The following LUZP2 variants were observed in gnomAD, a reference collection of about 807,000 sequenced individuals.
The protein encoded by LUZP2 is leucine zipper protein 2.
In LUZP2, 52 loss-of-function variants were observed where a neutral mutation model predicts 51.6. The ratio of observed to expected loss-of-function variants is 1.01; its 90% CI spans 0.81 to 1.27. The LOEUF (loss-of-function observed/expected upper bound fraction) is 1.27. Among genes scored for constraint, LUZP2 ranks in the 50% most tolerant of loss-of-function variants. The probability of loss-of-function intolerance (pLI) is 0.00; values close to 1 mark genes in which losing one functional copy is unlikely to be tolerated. For missense variants in LUZP2, 436 were observed against 395.4 expected (o/e 1.10, Z -0.87); for synonymous variants, 154 against 137.3 (o/e 1.12, Z -0.85).
chr11:24,580,442 C>T (rs1390894081), intron 1 of LUZP2, among the ~76,000 whole-genome samples: 1 of 152,024 alleles, frequency 6.6e-6, no homozygotes, highest in Admixed American at 6.6e-5. Context: ...GTGATAAATG[C>T]ACTGTATTTA....
chr11:24,998,093 G>T (rs916399685), intron 9 of LUZP2, among the ~76,000 whole-genome samples: 6 of 152,076 alleles, frequency 3.9e-5, no homozygotes, highest in African/African-American at 1.4e-4. Context: ...GGATTGACTT[G>T]GCGATGCGGG....
rs1565119332 is a variant in LUZP2, at chr11:24,926,358, T to TGTGTATATATATATAC, written c.522+11825_522+11840dup. Among the ~76,000 whole-genome samples, 4 of 121,116 alleles carry TGTGTATATATATATAC rather than the reference T, an allele frequency of 3.3e-5. 1 individual carries two copies. Among genetic ancestry groups the TGTGTATATATATATAC allele is most frequent in the Admixed American group, 1.6e-4 (2 of 12,290 alleles). The allele number at this position is 121,116 out of a possible 152,430, so 79.5% of individuals were successfully genotyped here. On this transcript the variant is annotated intron_variant, in intron 7 of 11. Coordinates refer to ENST00000336930, the MANE Select transcript of LUZP2 (RefSeq NM_001009909.4). ...ATATATACGTGTGTATATATATACG[T>TGTGTATATATATATAC]GTGTATATATATATACGTGTGTATA...
At chr11:24,876,662 G>A (rs1216914168) in intron 5 of LUZP2, among the ~76,000 whole-genome samples, 6 of 151,886 alleles carry the variant, frequency 4.0e-5, no homozygotes, top group African/African-American at 1.5e-4. Flanking sequence ...GATGGGGATG[G>A]CATTGAGTCT....
chr11:24,734,410 T>A (rs1178119876), intron 3 of LUZP2, among the ~76,000 whole-genome samples: 1 of 151,882 alleles, frequency 6.6e-6, no homozygotes, highest in South Asian at 2.1e-4. Flanking sequence ...ATTTTAATCA[T>A]CAAGTGTACA....
At chr11:24,617,377 C>T (rs920983085) in intron 1 of LUZP2, among the ~76,000 whole-genome samples, 3 of 152,078 alleles carry the variant, frequency 2.0e-5, no homozygotes, top group African/African-American at 7.2e-5. Flanking sequence ...GTGTGTTCAT[C>T]GTTATTCATT....
chr11:24,730,259 A>T (rs1237371843), intron 2 of LUZP2, among the ~76,000 whole-genome samples: 1 of 151,834 alleles, frequency 6.6e-6, no homozygotes, highest in Non-Finnish European at 1.5e-5. Flanking sequence ...ACTGTTAGTC[A>T]CATTTCATAG....
chr11:24,674,639 C>A (rs1049897401), intron 1 of LUZP2, among the ~76,000 whole-genome samples: 2 of 152,062 alleles, frequency 1.3e-5, no homozygotes, highest in Admixed American at 6.5e-5. Flanking sequence ...TTATATGCAA[C>A]CTTTGTCCCA....
chr11:24,702,012 A>G (rs1417048152), intron 1 of LUZP2, among the ~76,000 whole-genome samples: 1 of 152,208 alleles, frequency 6.6e-6, no homozygotes, highest in Non-Finnish European at 1.5e-5. Flanking sequence ...TGGCTCTCCC[A>G]GTCAGACTCG....
At chr11:25,033,421 T>TA (rs71447407) in intron 9 of LUZP2, among the ~76,000 whole-genome samples, 1 of 151,952 alleles carries the variant, frequency 6.6e-6, no homozygotes, top group Non-Finnish European at 1.5e-5. Context: ...ATCAAAGGAT[T>TA]AAAAAAGTCA....
At chr11:24,706,880 TCTC>T (rs1857604167) in intron 1 of LUZP2, among the ~76,000 whole-genome samples, 2 of 152,024 alleles carry the variant, frequency 1.3e-5, no homozygotes, top group African/African-American at 2.4e-5. Flanking sequence ...ACCTCTCTCT[TCTC>T]CTTCTTGATT....
intron 5 of LUZP2, among the ~76,000 whole-genome samples, chr11:24,782,777 A>T: frequency 6.6e-6 from 1 of 152,068 alleles, no homozygotes. Context: ...CAAAAAGGAA[A>T]TAAAAGCTCT....
chr11:24,737,251 C>T (rs1269384351), intron 3 of LUZP2, among the ~76,000 whole-genome samples: 1 of 152,000 alleles, frequency 6.6e-6, no homozygotes, highest in Non-Finnish European at 1.5e-5. Flanking sequence ...CCATTGTGCC[C>T]TTGTTTTTGG....
chr11:24,870,490 G>GACACACACACACACACACAGACACAC (rs1852032672), intron 5 of LUZP2, among the ~76,000 whole-genome samples: 1 of 145,634 alleles, frequency 6.9e-6, no homozygotes, highest in African/African-American at 2.6e-5. Context: ...CACACACACA[G>GACACACACACACACACACAGACACAC]ACACACACAC....
intron 1 of LUZP2, among the ~76,000 whole-genome samples, chr11:24,704,895 C>A (rs1857528436): frequency 1.3e-5 from 2 of 152,062 alleles, no homozygotes; most frequent in South Asian, 2.1e-4. Flanking sequence ...TGAAATAAAA[C>A]CTTCAGGCAG....
At chr11:25,044,249 GTGTGTGTGTATATATATATATA>G (rs1407879927) in intron 9 of LUZP2, among the ~76,000 whole-genome samples, 1,669 of 70,480 alleles carry the variant, frequency 0.024, 35 homozygotes, top group African/African-American at 0.093. Flanking sequence ...GTGTGTGTGT[GTGTGTGTGTATATATATATATA>G]TATATATATA....
intron 1 of LUZP2, among the ~76,000 whole-genome samples, chr11:24,559,958 A>G (rs1851982397): frequency 6.6e-6 from 1 of 152,140 alleles, no homozygotes; most frequent in Admixed American, 6.6e-5. Context: ...GATAAATCAC[A>G]CACTGGGACC....
chr11:24,882,160 C>T (rs1852489750), intron 5 of LUZP2, among the ~76,000 whole-genome samples: 1 of 151,894 alleles, frequency 6.6e-6, no homozygotes, highest in Non-Finnish European at 1.5e-5. Context: ...TATCACTTCT[C>T]AATGAATACA....
chr11:24,819,416 C>G (rs1001088016), intron 5 of LUZP2, among the ~76,000 whole-genome samples: 4 of 152,028 alleles, frequency 2.6e-5, no homozygotes, highest in Admixed American at 2.6e-4. Flanking sequence ...GAGTGAACAG[C>G]TACTTGTAGC....
intron 10 of LUZP2, among the ~76,000 whole-genome samples, chr11:25,064,410 AATG>A (rs1858936900): frequency 2.6e-5 from 4 of 152,060 alleles, no homozygotes; most frequent in South Asian, 4.1e-4. Context: ...TTTATGTGTT[AATG>A]ATGACTCTTA....
Sources: allele counts gnomAD v4.1 joint callset (sites outside exome capture counted in the v4.1 genomes callset), GRCh38; gene constraint gnomAD v4.1.1; transcripts MANE v1.5; gene names NCBI Gene and HGNC (gene_info 2026-07-23, HGNC 2026-07-21).